The following KCNH3 variants were observed in gnomAD, a reference collection of about 807,000 sequenced individuals.
KCNH3 encodes potassium voltage-gated channel subfamily H member 3.
Under a neutral mutation model 95.6 loss-of-function variants are expected in KCNH3, and 36 were observed. That is an observed-to-expected ratio of 0.38 (90% CI 0.29 to 0.50). KCNH3 has a LOEUF of 0.50. Ranked by LOEUF, KCNH3 falls within the 20% of genes least tolerant of loss-of-function variation. The probability of loss-of-function intolerance (pLI) is 0.95; values close to 1 mark genes in which losing one functional copy is unlikely to be tolerated. For synonymous variants in KCNH3, 620 were observed against 646.3 expected, an observed-to-expected ratio of 0.96 and a Z score of 0.62; for missense variants, 1,030 against 1,484.1, an observed-to-expected ratio of 0.69 and a Z score of 5.03.
chr12:49,554,250 A>C lies in KCNH3; in HGVS notation c.1919-87A>C, dbSNP rs2138164754. 4.7e-6 allele frequency: 5 copies of C among 1,060,244 alleles called. No individual in the cohort carries two copies. The South Asian group carries it at 6.6e-5, about 14-fold the overall frequency. 65.7% of individuals were successfully genotyped at this position (1,060,244 alleles called of 1,614,324 possible). On this transcript the variant is annotated intron_variant, in intron 10 of 14. Coordinates refer to ENST00000257981, the MANE Select transcript of KCNH3 (RefSeq NM_012284.3). Reference sequence around the variant, plus strand: ...GCTACAGAGGCCCAGCCCAGCTCTGAAGGGAATCTCAGCAACCTGCAGCCC... The same window carrying C: ...GCTACAGAGGCCCAGCCCAGCTCTGCAGGGAATCTCAGCAACCTGCAGCCC...
chr12:49,556,751 C>T, intron 13 of KCNH3: 1 of 678,944 alleles, frequency 1.5e-6, no homozygotes, highest in Non-Finnish European at 2.7e-6. Context: ...AGCTTCCTGT[C>T]TGTAAAAAAA....
At chr12:49,542,587 T>G in intron 3 of KCNH3, 119 bp from the exon 4 acceptor site, 2 of 1,223,378 alleles carry the variant, frequency 1.6e-6, no homozygotes, top group Non-Finnish European at 2.2e-6. Flanking sequence ...CTCTAAACAT[T>G]CTAAGTGGTC....
At chr12:49,552,063 C>T (rs894649727) in intron 10 of KCNH3, among the ~76,000 whole-genome samples, 1 of 152,222 alleles carries the variant, frequency 6.6e-6, no homozygotes, top group Non-Finnish European at 1.5e-5. Context: ...TTTATGCCAG[C>T]ATGAGAAAAT....
At chr12:49,550,814 C>T (rs1000566606) in intron 10 of KCNH3, among the ~76,000 whole-genome samples, 2 of 152,202 alleles carry the variant, frequency 1.3e-5, no homozygotes, top group Non-Finnish European at 2.9e-5. Context: ...GTCAGGGAGA[C>T]TCATTCTGAT....
rs1938512160 is a variant in KCNH3 at position 49,557,463 on chromosome 12, C to G, written c.2762C>G (p.Ala921Gly). ...APHREGPCPR[A>G]SGEGPCPAST... ...CACAGGGAGGGTCCGTGCCCTCGGG[C>G]ATCGGGAGAGGGGCCGTGCCCAGCC... Residue 921 changes from alanine (A) to glycine (G), a missense_variant, in exon 15 of 15, where the codon GCA becomes GGA. This residue lies in a region of KCNH3 where 464 missense variants were observed against 493.2 expected (regional missense o/e 0.94). Transcript: ENST00000257981. 1.9e-6 allele frequency: 3 copies of G among 1,611,010 alleles called. No homozygotes were observed. The highest frequency in any genetic ancestry group is 2.5e-6 in the Non-Finnish European group (3 of 1,179,090).
intron 12 of KCNH3, 177 bp downstream of exon 12, chr12:49,556,128 C>T (rs1263454323): frequency 5.0e-6 from 3 of 596,130 alleles, no homozygotes; most frequent in South Asian, 2.0e-5. Flanking sequence ...CTGTCCCACT[C>T]CACTGTGTGG....
At chr12:49,543,218 A>C (rs1592498826) in intron 4 of KCNH3, 57 bp from the exon 5 acceptor site, 7 of 1,576,128 alleles carry the variant, frequency 4.4e-6, no homozygotes, top group Non-Finnish European at 6.0e-6. Flanking sequence ...CTCTATCCAA[A>C]CTCAGCCTGT....
intron 1 of KCNH3, 34 bp from the exon 2 acceptor site, chr12:49,540,865 C>G (rs377314805): frequency 4.7e-5 from 74 of 1,576,900 alleles, no homozygotes; most frequent in Non-Finnish European, 6.1e-5. Context: ...TGCCCCTTCA[C>G]CCCACGCCTC....
Position 49,539,329 on chromosome 12 carries a change from G to C in KCNH3, c.-88G>C. The C allele has an allele frequency of 1.3e-6, 1 of 775,500 alleles. No individual in the cohort carries two copies. The highest frequency in any genetic ancestry group is 1.8e-6 in the Non-Finnish European group (1 of 565,298). 48.0% of individuals were successfully genotyped at this position (775,500 alleles called of 1,614,324 possible). ...GGCTGCGCTAGGGAGCGCGGGGCCC[G>C]GCGGGGGGCGGCCGAGCTGGGCGCC... is the stretch of plus-strand genomic sequence containing the variant. On this transcript the variant is annotated 5_prime_UTR_variant, in exon 1 of 15. Coordinates refer to ENST00000257981, the MANE Select transcript of KCNH3 (RefSeq NM_012284.3). This position sits in a 1 kb window ranked among gnomAD's most constrained non-coding sequence, Gnocchi z 6.7.
At chr12:49,554,865 G>A (rs941461049) in intron 11 of KCNH3, among the ~76,000 whole-genome samples, 2 of 152,308 alleles carry the variant, frequency 1.3e-5, no homozygotes, top group African/African-American at 4.8e-5. Flanking sequence ...GTCAGGGGCT[G>A]AGCAGGGCAG....
intron 11 of KCNH3, 149 bp from the exon 12 acceptor site, chr12:49,555,471 C>A (rs1300033365): frequency 4.8e-6 from 2 of 419,626 alleles, no homozygotes; most frequent in Admixed American, 8.7e-5. Flanking sequence ...AAGATAGTAT[C>A]ATCTATAGGA....
At position 49,549,743 on chromosome 12, in the gene KCNH3, C is replaced by T. The variant is rs1338418608; in HGVS notation, c.1668+103C>T. 3.7e-6 allele frequency: 4 copies of T among 1,088,888 alleles called. No homozygotes were observed. In the African/African-American group the frequency reaches 6.2e-5, roughly 17 times the overall value. 67.5% of individuals were successfully genotyped at this position (1,088,888 alleles called of 1,614,324 possible). ...GGGAGGATGAATGCAGAATTTTGGC[C>T]CCTGTGCCTCCCTTCTCTCTTGAGG... is the stretch of plus-strand genomic sequence containing the variant. On this transcript the variant is annotated intron_variant, in intron 9 of 14. Coordinates refer to ENST00000257981, the MANE Select transcript of KCNH3 (RefSeq NM_012284.3).
intron 7 of KCNH3, among the ~76,000 whole-genome samples, chr12:49,544,654 GC>G (rs1937999338): frequency 1.3e-5 from 2 of 151,992 alleles, no homozygotes; most frequent in African/African-American, 4.8e-5. Context: ...TTAAACCCCT[GC>G]CCCGTTGGGA....
At position 49,557,927 on chromosome 12, in the gene KCNH3, A is replaced by G; in HGVS notation, c.3226A>G (p.Thr1076Ala). 1 of 1,509,002 alleles carries G rather than the reference A, an allele frequency of 6.6e-7. No homozygotes were observed. Among genetic ancestry groups the G allele is most frequent in the East Asian group, 2.3e-5 (1 of 43,808 alleles). The allele number at this position is 1,509,002 out of a possible 1,614,324, so 93.5% of individuals were successfully genotyped here. ...GCHGSGTVQW[T>A]QEEGTGV ...CCATGGCTCTGGCACAGTCCAGTGGACCCAGGAAGAAGGCACAGGGGTCTG... is the reference window on the plus strand; with the variant it reads ...CCATGGCTCTGGCACAGTCCAGTGGGCCCAGGAAGAAGGCACAGGGGTCTG... Residue 1076 changes from threonine (T) to alanine (A), a missense_variant, in exon 15 of 15, where the codon ACC becomes GCC. Around this residue, in one of 9 missense-constraint regions of KCNH3, gnomAD observed 464 missense variants for 493.2 expected, o/e 0.94. Coordinates refer to ENST00000257981, the MANE Select transcript of KCNH3 (RefSeq NM_012284.3).
intron 10 of KCNH3, among the ~76,000 whole-genome samples, chr12:49,553,350 T>C (rs1222543328): frequency 6.6e-6 from 1 of 152,194 alleles, no homozygotes; most frequent in African/African-American, 2.4e-5. Flanking sequence ...TTTTGCCATG[T>C]TGCCCAGGCT....
rs755936817 is a variant in KCNH3 at position 49,549,426 on chromosome 12, G to T, written c.1469-15G>T. ...CAGGTCCCCTAGGTGACCCCCTCTC[G>T]TCACCCTCCCCCAGCCCTGATGCAC... On this transcript the variant is annotated splice_polypyrimidine_tract_variant and intron_variant, in intron 8 of 14. Coordinates refer to ENST00000257981, the MANE Select transcript of KCNH3 (RefSeq NM_012284.3). 3.1e-6 allele frequency: 5 copies of T among 1,612,240 alleles called. No individual in the cohort carries two copies. In the African/African-American group the frequency reaches 6.7e-5, roughly 22 times the overall value.
intron 3 of KCNH3, among the ~76,000 whole-genome samples, 173 bp from the exon 4 acceptor site, chr12:49,542,533 C>G (rs764494121): frequency 1.3e-5 from 2 of 152,248 alleles, no homozygotes; most frequent in Non-Finnish European, 2.9e-5. Context: ...CATTGCTGGG[C>G]TGGGCAAGTG....
intron 12 of KCNH3, chr12:49,556,168 C>G: frequency 1.7e-6 from 1 of 600,184 alleles, no homozygotes; most frequent in Non-Finnish European, 3.0e-6. Context: ...TGAACTCTTG[C>G]ATCTCATGCT....
chr12:49,555,264 C>T (rs553016985), intron 11 of KCNH3, among the ~76,000 whole-genome samples: 17 of 147,816 alleles, frequency 1.2e-4, no homozygotes, highest in South Asian at 4.3e-4. Flanking sequence ...CACGGTGAAA[C>T]GCCGTCTCTA....
Sources: allele counts gnomAD v4.1 joint callset (sites outside exome capture counted in the v4.1 genomes callset), GRCh38; gene constraint gnomAD v4.1.1; regional missense constraint gnomAD v4.1.1; non-coding constraint Gnocchi (gnomAD v3.1); transcripts MANE v1.5; gene names NCBI Gene and HGNC (gene_info 2026-07-23, HGNC 2026-07-21).